The following LYG1 variants were observed in gnomAD, a reference collection of about 807,000 sequenced individuals.
LYG1 encodes the protein lysozyme g-like protein 1.
In LYG1, 17 loss-of-function variants were observed where a neutral mutation model predicts 21.7. The ratio of observed to expected loss-of-function variants is 0.78; its 90% CI spans 0.54 to 1.18. LYG1 has a LOEUF of 1.18. Among genes scored for constraint, LYG1 ranks in the 50% most tolerant of loss-of-function variants. The pLI, the probability that LYG1 is intolerant of heterozygous loss-of-function variation, is 0.00. For synonymous variants in LYG1, 81 were observed against 87.4 expected (o/e 0.93, Z 0.41); for missense variants, 211 against 238.1 (o/e 0.89, Z 0.75).
At chr2:99,299,645 A>C (rs2094148323) in intron 1 of LYG1, among the ~76,000 whole-genome samples, 1 of 151,890 alleles carries the variant, frequency 6.6e-6, no homozygotes, top group Non-Finnish European at 1.5e-5. Context: ...GGCTGGTCTC[A>C]AACTCCAGGG....
At chr2:99,295,803 C>A in intron 2 of LYG1, 101 bp from the exon 3 acceptor site, 1 of 1,152,500 alleles carries the variant, frequency 8.7e-7, no homozygotes, top group South Asian at 1.3e-5. Context: ...AACAAATTTC[C>A]CCATATCTGA....
At chr2:99,285,693 G>C (rs1370682107) in intron 5 of LYG1, among the ~76,000 whole-genome samples, 1 of 152,152 alleles carries the variant, frequency 6.6e-6, no homozygotes, top group Admixed American at 6.5e-5. Flanking sequence ...TGTCACATGA[G>C]GCTGTCTCAT....
At chr2:99,291,494 A>G in intron 4 of LYG1, 73 bp from the exon 5 acceptor site, 1 of 1,493,870 alleles carries the variant, frequency 6.7e-7, no homozygotes, top group South Asian at 1.2e-5. Context: ...GGGGAGAGAG[A>G]AAGAACAATC....
At position 99,296,046 on chromosome 2, in the gene LYG1, T is replaced by C. The variant is rs138051698; in HGVS notation, c.-32-344A>G. Among the ~76,000 whole-genome samples the C allele has an allele frequency of 7.2e-5, 11 of 152,052 alleles. No individual in the cohort carries two copies. The East Asian group carries it at 2.1e-3, about 29-fold the overall frequency. On this transcript the variant is annotated intron_variant, in intron 2 of 6. Transcript: ENST00000308528. ...CTCCAGACCCTGAAAAGCAAATTTC[T>C]GATGCCCATACCTCATCCCAAGAGC... is the stretch of plus-strand genomic sequence containing the variant.
chr2:99,295,541 G>A, intron 3 of LYG1, 87 bp downstream of exon 3: 1 of 1,460,844 alleles, frequency 6.8e-7, no homozygotes, highest in Non-Finnish European at 9.6e-7. Context: ...CTTTTTTGTT[G>A]CATTTTCAAG....
chr2:99,297,655 C>T (rs1304415790), intron 2 of LYG1, among the ~76,000 whole-genome samples: 7 of 152,094 alleles, frequency 4.6e-5, no homozygotes, highest in Admixed American at 3.9e-4. Flanking sequence ...CTCCTGGGAC[C>T]AGGTCATCAA....
chr2:99,303,017 A>G (rs1163112516), upstream of LYG1, among the ~76,000 whole-genome samples: 1 of 55,202 alleles, frequency 1.8e-5, no homozygotes, highest in African/African-American at 5.0e-5. Context: ...CCTCCATCTG[A>G]AAAAAAAAAA....
At chr2:99,303,377 TG>T (rs1559227017), upstream of LYG1, among the ~76,000 whole-genome samples, 2 of 151,834 alleles carry the variant, frequency 1.3e-5, no homozygotes, top group African/African-American at 4.8e-5. Context: ...CAGAGGGCCA[TG>T]TTAGCATCCT....
chr2:99,286,673 CAGCCTGGGCAACA>C (rs2094100667), intron 5 of LYG1, among the ~76,000 whole-genome samples: 1 of 152,162 alleles, frequency 6.6e-6, no homozygotes, highest in Non-Finnish European at 1.5e-5. Context: ...CATTATACTT[CAGCCTGGGCAACA>C]AGAGTGAGAC....
At chr2:99,289,040 T>C (rs998685888) in intron 5 of LYG1, among the ~76,000 whole-genome samples, 2 of 152,186 alleles carry the variant, frequency 1.3e-5, no homozygotes, top group African/African-American at 2.4e-5. Flanking sequence ...TGAGAACTTA[T>C]TTATTAGAAT....
At chr2:99,298,865 T>C (rs1279511716) in intron 1 of LYG1, among the ~76,000 whole-genome samples, 3 of 152,228 alleles carry the variant, frequency 2.0e-5, no homozygotes, top group Non-Finnish European at 4.4e-5. Flanking sequence ...CTACTCATTG[T>C]GTGCCAACAG....
chr2:99,285,080 T>C (rs1228983100), intron 5 of LYG1, among the ~76,000 whole-genome samples: 1 of 152,102 alleles, frequency 6.6e-6, no homozygotes, highest in Non-Finnish European at 1.5e-5. Flanking sequence ...TATCCTACAG[T>C]GCCAGACACG....
upstream of LYG1, among the ~76,000 whole-genome samples, chr2:99,302,959 G>C (rs1349845203): frequency 6.6e-6 from 1 of 150,908 alleles, no homozygotes; most frequent in Non-Finnish European, 1.5e-5. Flanking sequence ...AGAGGTTGCA[G>C]TAAGCCAAGA....
rs2094134004 is a variant in LYG1 at position 99,295,622 on chromosome 2, A to G, written c.43+6T>C. On this transcript the variant is annotated splice_donor_region_variant and intron_variant, in intron 3 of 6. Transcript: ENST00000308528. ...AAAGTCATTTGTAAAAATCAGCCACACTCACCCATCAGGGCAAGGAGGCCC... is the reference window on the plus strand; with the variant it reads ...AAAGTCATTTGTAAAAATCAGCCACGCTCACCCATCAGGGCAAGGAGGCCC... 1.2e-6 allele frequency: 2 copies of G among 1,613,940 alleles called. No individual in the cohort carries two copies. Among genetic ancestry groups the G allele is most frequent in the Non-Finnish European group, 1.7e-6 (2 of 1,180,018 alleles).
At chr2:99,286,149 T>A (rs1574877959) in intron 5 of LYG1, among the ~76,000 whole-genome samples, 1 of 151,620 alleles carries the variant, frequency 6.6e-6, no homozygotes, top group African/African-American at 2.4e-5. Context: ...CTGCAAAGAG[T>A]CCCCACCAGC....
rs199991149 is a variant in LYG1 at position 99,295,597 on chromosome 2, A to G, written c.43+31T>C. The G allele has an allele frequency of 1.7e-4, 276 of 1,613,686 alleles. 2 individuals are homozygous for G. In the East Asian group the frequency reaches 3.3e-3, roughly 19 times the overall value. ...TCCTGTGCTTATCCTTCCCATCTCC[A>G]AAGTCATTTGTAAAAATCAGCCACA... is the stretch of plus-strand genomic sequence containing the variant. On this transcript the variant is annotated intron_variant, in intron 3 of 6. Coordinates refer to ENST00000308528, the MANE Select transcript of LYG1 (RefSeq NM_174898.3).
intron 2 of LYG1, among the ~76,000 whole-genome samples, chr2:99,297,576 C>A (rs1160521080): frequency 2.0e-5 from 3 of 152,210 alleles, no homozygotes; most frequent in Non-Finnish European, 4.4e-5. Context: ...GTTGAGAAGT[C>A]ACTTTAATGA....
chr2:99,300,761 C>G (rs1447195905), intron 1 of LYG1, among the ~76,000 whole-genome samples: 1 of 139,350 alleles, frequency 7.2e-6, no homozygotes. Flanking sequence ...ACACACATTT[C>G]TTTTCTCCCA....
Position 99,291,247 on chromosome 2 carries a change from C to CTAG in LYG1, c.320_322dup (p.Thr107dup), listed in dbSNP as rs1349147915. The stretch of plus-strand genomic sequence containing the variant: ...CGGATGAAGAGTTACCTGCACCATG[C>CTAG]TAGTCCTATCGCCCATGTTGACCAG... On this transcript the variant is annotated inframe_insertion, in exon 5 of 7. Coordinates refer to ENST00000308528, the MANE Select transcript of LYG1 (RefSeq NM_174898.3). 2 of 1,614,064 alleles carry CTAG rather than the reference C, an allele frequency of 1.2e-6. No individual in the cohort carries two copies. The highest frequency in any genetic ancestry group is 1.7e-4 in the Middle Eastern group (1 of 6,054).
Sources: gnomAD v4.1 joint callset for allele counts (sites outside exome capture counted in the v4.1 genomes callset) on GRCh38, gnomAD v4.1.1 for gene constraint, MANE v1.5 for transcripts, NCBI Gene and HGNC (gene_info 2026-07-23, HGNC 2026-07-21) for gene names.